EPHB1: variants seen among roughly 807,000 people sequenced by gnomAD.
EPHB1 encodes the protein EPH receptor B1, also known as ephrin type-B receptor 1.
In EPHB1, 30 loss-of-function variants were observed where a neutral mutation model predicts 94.4. The ratio of observed to expected loss-of-function variants is 0.32; its 90% CI spans 0.24 to 0.43. The LOEUF is 0.43. EPHB1 is among the 20% of genes least tolerant of loss of function. EPHB1 has a pLI of 1.00. For missense variants in EPHB1, 1,055 were observed against 1,308.3 expected (o/e 0.81, Z 2.99); for synonymous variants, 522 against 489.1 (o/e 1.07, Z -0.89).
At chr3:135,219,962 G>T (rs1388043207) in intron 12 of EPHB1, among the ~76,000 whole-genome samples, 1 of 152,208 alleles carries the variant, frequency 6.6e-6, no homozygotes, top group Admixed American at 6.5e-5. Context: ...CATCTGTGTA[G>T]GCAAAATGTT....
At chr3:135,108,339 T>C (rs1559833372) in intron 4 of EPHB1, among the ~76,000 whole-genome samples, 1 of 152,252 alleles carries the variant, frequency 6.6e-6, no homozygotes, top group Non-Finnish European at 1.5e-5. Flanking sequence ...ATCCTGTTAA[T>C]CTCTTGGGGC....
rs147263379 is a variant in EPHB1, at chr3:134,807,599, A to G, written c.58+11910A>G. ...AAAGTTTGGGACTTTGGTTATGATT[A>G]TATCCAGGGCAACAGTGCTGTCTCA... On this transcript the variant is annotated intron_variant, in intron 1 of 15. Coordinates refer to ENST00000398015, the MANE Select transcript of EPHB1 (RefSeq NM_004441.5). Among the ~76,000 whole-genome samples, 38 of 151,736 alleles carry G rather than the reference A, an allele frequency of 2.5e-4. 1 individual carries two copies. The East Asian group carries it at 7.2e-3, about 29-fold the overall frequency.
chr3:135,098,155 G>T (rs2107795052), intron 3 of EPHB1, among the ~76,000 whole-genome samples: 1 of 152,230 alleles, frequency 6.6e-6, no homozygotes, highest in Non-Finnish European at 1.5e-5. Flanking sequence ...TCAGCTCCTT[G>T]GAATTGGAGG....
At chr3:135,032,775 T>C (rs1439497830) in intron 3 of EPHB1, among the ~76,000 whole-genome samples, 2 of 152,214 alleles carry the variant, frequency 1.3e-5, no homozygotes, top group Non-Finnish European at 1.5e-5. Context: ...TTTATTCATT[T>C]GGTGGGAGCA....
intron 12 of EPHB1, among the ~76,000 whole-genome samples, chr3:135,220,725 G>T (rs1341859697): frequency 1.3e-5 from 2 of 151,980 alleles, no homozygotes; most frequent in Non-Finnish European, 2.9e-5. Context: ...GGACCCAGGT[G>T]ACAAGGGCAA....
At chr3:135,258,533 A>G (rs770746358) in intron 15 of EPHB1, among the ~76,000 whole-genome samples, 2 of 152,214 alleles carry the variant, frequency 1.3e-5, no homozygotes, top group African/African-American at 4.8e-5. Context: ...ATACATTAAA[A>G]TTCACATGGA....
At chr3:135,059,700 A>T (rs2107776031) in intron 3 of EPHB1, among the ~76,000 whole-genome samples, 1 of 152,322 alleles carries the variant, frequency 6.6e-6, no homozygotes, top group South Asian at 2.1e-4. Flanking sequence ...ATTTGGACAC[A>T]ACAAAGTATA....
chr3:135,211,297 A>G (rs1441685288), intron 12 of EPHB1, among the ~76,000 whole-genome samples: 1 of 152,218 alleles, frequency 6.6e-6, no homozygotes, highest in African/African-American at 2.4e-5. Flanking sequence ...AGACAATGTT[A>G]CAATTTTTGC....
At chr3:134,989,645 TA>T (rs1934728260) in intron 3 of EPHB1, among the ~76,000 whole-genome samples, 1 of 152,182 alleles carries the variant, frequency 6.6e-6, no homozygotes, top group Admixed American at 6.5e-5. Flanking sequence ...AAGTCAAAAC[TA>T]ATTTTAGAAA....
chr3:135,024,281 A>G (rs541924152), intron 3 of EPHB1, among the ~76,000 whole-genome samples: 1 of 152,358 alleles, frequency 6.6e-6, no homozygotes. Flanking sequence ...AGACTCGGGA[A>G]AAATATAGAA....
chr3:135,150,186 CATG>C (rs1941150168), intron 5 of EPHB1, among the ~76,000 whole-genome samples: 1 of 152,214 alleles, frequency 6.6e-6, no homozygotes, highest in South Asian at 2.1e-4. Context: ...TTTTTAAATA[CATG>C]ATGTTTCAGC....
chr3:135,139,654 AG>A (rs2107689665), intron 5 of EPHB1, among the ~76,000 whole-genome samples: 2 of 152,324 alleles, frequency 1.3e-5, no homozygotes, highest in African/African-American at 4.8e-5. Flanking sequence ...CAAAGTAAGC[AG>A]GTGACTGATT....
intron 4 of EPHB1, among the ~76,000 whole-genome samples, chr3:135,125,827 T>C (rs951145414): frequency 8.5e-5 from 13 of 152,136 alleles, no homozygotes; most frequent in Admixed American, 1.3e-4. Context: ...TTTCCCTGCA[T>C]ATTTCGCCCC....
intron 1 of EPHB1, among the ~76,000 whole-genome samples, chr3:134,827,278 T>G (rs1246149302): frequency 6.6e-6 from 1 of 152,256 alleles, no homozygotes; most frequent in African/African-American, 2.4e-5. Flanking sequence ...GTGCTTCTTC[T>G]TCTCTATAAT....
intron 3 of EPHB1, among the ~76,000 whole-genome samples, chr3:135,029,594 C>T (rs575683881): frequency 0.014 from 2,044 of 150,278 alleles, 48 homozygotes; most frequent in African/African-American, 0.047. Flanking sequence ...GAGAGATCCG[C>T]TGTTAGTCTG....
At chr3:134,819,133 T>C (rs937097924) in intron 1 of EPHB1, among the ~76,000 whole-genome samples, 1 of 152,124 alleles carries the variant, frequency 6.6e-6, no homozygotes, top group African/African-American at 2.4e-5. Flanking sequence ...TTTTGGCAGG[T>C]GGGATTTTTG....
intron 1 of EPHB1, among the ~76,000 whole-genome samples, chr3:134,804,432 CAA>C (rs1227496627): frequency 6.6e-6 from 1 of 151,304 alleles, no homozygotes; most frequent in East Asian, 1.9e-4. Flanking sequence ...AGCTACAACT[CAA>C]GTTAAGATTT....
intron 12 of EPHB1, among the ~76,000 whole-genome samples, chr3:135,216,633 G>T (rs149871576): frequency 1.7e-3 from 256 of 147,342 alleles, no homozygotes; most frequent in Non-Finnish European, 3.1e-3. Flanking sequence ...TGAGACATGA[G>T]AATTGCTTGA....
intron 2 of EPHB1, among the ~76,000 whole-genome samples, chr3:134,932,455 G>A (rs896958089): frequency 9.2e-5 from 14 of 152,144 alleles, no homozygotes; most frequent in African/African-American, 3.4e-4. Context: ...AATCAATTAC[G>A]ATTTATCTGG....
Sources: gnomAD v4.1 joint callset for allele counts (sites outside exome capture counted in the v4.1 genomes callset) on GRCh38, gnomAD v4.1.1 for gene constraint, MANE v1.5 for transcripts, NCBI Gene and HGNC (gene_info 2026-07-23, HGNC 2026-07-21) for gene names.